Variants in RSPH14 observed in about 807,000 individuals in gnomAD.
RSPH14 encodes the protein radial spoke head 14 homolog, also known as rhabdoid tumor deletion region gene 1.
A neutral mutation model predicts 26.7 loss-of-function variants in RSPH14; 20 were observed. The ratio of observed to expected loss-of-function variants is 0.75; its 90% CI spans 0.53 to 1.09. The LOEUF is 1.09. Ranked by LOEUF, RSPH14 falls within the 50% of genes least tolerant of loss-of-function variation. The pLI is 0.00. For missense variants in RSPH14, 449 were observed against 457.2 expected (o/e 0.98, Z 0.16); for synonymous variants, 177 against 189.3 (o/e 0.93, Z 0.53).
chr22:23,079,754 A>G (rs1377048213), intron 4 of RSPH14, among the ~76,000 whole-genome samples: 1 of 152,088 alleles, frequency 6.6e-6, no homozygotes, highest in East Asian at 1.9e-4. Flanking sequence ...AGAATTCTGG[A>G]CAGTCAGGGC....
chr22:23,132,840 G>C (rs2070385090), intron 4 of RSPH14: 1 of 151,824 alleles, frequency 6.6e-6, no homozygotes, highest in Non-Finnish European at 1.5e-5. Flanking sequence ...TCTGATCTGG[G>C]CTGGTTCACC....
chr22:23,102,996 G>C (rs1046471385), intron 4 of RSPH14, among the ~76,000 whole-genome samples: 2 of 152,188 alleles, frequency 1.3e-5, no homozygotes, highest in Non-Finnish European at 2.9e-5. Context: ...TAAGCCTTGA[G>C]GGAGGAGGGA....
At chr22:23,171,215 T>C in the RSPH14 span, among the ~76,000 whole-genome samples, 2 of 152,086 alleles carry the variant, frequency 1.3e-5, no homozygotes, top group Non-Finnish European at 2.9e-5. Context: ...ATCCACCCAC[T>C]GTGGCCTCCC....
At chr22:23,062,344 G>A (rs374710010) in intron 5 of RSPH14, among the ~76,000 whole-genome samples, 3 of 152,310 alleles carry the variant, frequency 2.0e-5, no homozygotes, top group South Asian at 4.1e-4. Flanking sequence ...AGCAGCTGCC[G>A]GGCACTGGGC....
intron 4 of RSPH14, among the ~76,000 whole-genome samples, chr22:23,106,444 C>T (rs566673605): frequency 6.6e-6 from 1 of 151,770 alleles, no homozygotes; most frequent in African/African-American, 2.4e-5. Flanking sequence ...GTCTCCATCT[C>T]ACACTGGGCC....
At chr22:23,114,248 G>C (rs1429161460) in intron 4 of RSPH14, among the ~76,000 whole-genome samples, 3 of 152,196 alleles carry the variant, frequency 2.0e-5, no homozygotes, top group Admixed American at 6.5e-5. Flanking sequence ...TGCTCTCGGC[G>C]TGAAAAAGCT....
chr22:23,155,466 C>G, the RSPH14 span, among the ~76,000 whole-genome samples: 5 of 152,170 alleles, frequency 3.3e-5, no homozygotes, highest in Admixed American at 6.5e-5. Context: ...ACCTATTGCT[C>G]CAGTGTTAGG....
intron 4 of RSPH14, 75 bp downstream of exon 4, chr22:23,133,951 A>T: frequency 1.1e-6 from 1 of 950,940 alleles, no homozygotes; most frequent in Non-Finnish European, 1.7e-6. Context: ...ACACCCTGGT[A>T]CATATGTGAC....
At chr22:23,097,729 G>T (rs754863561) in intron 4 of RSPH14, among the ~76,000 whole-genome samples, 5 of 152,258 alleles carry the variant, frequency 3.3e-5, no homozygotes, top group African/African-American at 4.8e-5. Flanking sequence ...GATGAGTGAG[G>T]TCAGGCTCCC....
chr22:23,137,109 A>T (rs1206508258), intron 3 of RSPH14, among the ~76,000 whole-genome samples: 1 of 138,982 alleles, frequency 7.2e-6, no homozygotes, highest in African/African-American at 2.6e-5. Context: ...TCAGCCACCA[A>T]GGCAGCGAGA....
intron 4 of RSPH14, among the ~76,000 whole-genome samples, chr22:23,078,045 C>T (rs2068554420): frequency 6.6e-6 from 1 of 152,224 alleles, no homozygotes; most frequent in Admixed American, 6.5e-5. Context: ...GCCAGCCCCA[C>T]CCAGCCCTCT....
chr22:23,122,778 G>C lies in RSPH14; in HGVS notation c.421+11248C>G, dbSNP rs77264287. On this transcript the variant is annotated intron_variant, in intron 4 of 6. Transcript: ENST00000216036. ...CTGGAGGTGCCCAGCGGTTTAGGAG[G>C]CTGTGCTTGGCACATCTGTAGCCCC... 2,498 of 405,854 alleles carry C rather than the reference G, an allele frequency of 6.2e-3. 62 individuals are homozygous for C. Among genetic ancestry groups the C allele is most frequent in the African/African-American group, 0.045 (2,270 of 50,838 alleles). The allele number at this position is 405,854 out of a possible 1,614,324, so 25.1% of individuals were successfully genotyped here.
intron 4 of RSPH14, among the ~76,000 whole-genome samples, chr22:23,099,565 G>A (rs550951921): frequency 3.9e-5 from 6 of 152,232 alleles, no homozygotes; most frequent in Non-Finnish European, 7.3e-5. Flanking sequence ...ACAGATCGAG[G>A]CACTGAGGCT....
chr22:23,151,983 G>A, the RSPH14 span, among the ~76,000 whole-genome samples: 1 of 152,218 alleles, frequency 6.6e-6, no homozygotes, highest in Non-Finnish European at 1.5e-5. Flanking sequence ...GCAAGAGGCC[G>A]GAGCCCACAT....
intron 4 of RSPH14, among the ~76,000 whole-genome samples, chr22:23,104,379 C>T (rs1162653615): frequency 1.3e-5 from 2 of 152,118 alleles, no homozygotes; most frequent in South Asian, 2.1e-4. Flanking sequence ...TGCTCTGCCT[C>T]GTGATCAGGC....
At chr22:23,073,116 C>CAGA (rs1352724455) in intron 4 of RSPH14, among the ~76,000 whole-genome samples, 2 of 152,256 alleles carry the variant, frequency 1.3e-5, no homozygotes, top group Admixed American at 6.5e-5. Context: ...ACGCTAGCCT[C>CAGA]AGAATACTTA....
Position 23,071,802 on chromosome 22 carries a change from A to G in RSPH14, c.422-7669T>C, listed in dbSNP as rs2068385326. The stretch of plus-strand genomic sequence containing the variant: ...ACATTTGAACTGGAGCTTGAAGGAC[A>G]TGGGCACAGCTAAGCTGGGCATTGT... On this transcript the variant is annotated intron_variant, in intron 4 of 6. Transcript: ENST00000216036. The surrounding 1 kb of genome is among the most constrained non-coding windows in gnomAD (Gnocchi z 4.1). Among the ~76,000 whole-genome samples, 2 of 152,216 alleles carry G rather than the reference A, an allele frequency of 1.3e-5. No homozygotes were observed. The highest frequency in any genetic ancestry group is 2.9e-5 in the Non-Finnish European group (2 of 68,040).
intron 3 of RSPH14, 151 bp from the exon 4 acceptor site, chr22:23,134,295 G>A: frequency 1.6e-6 from 1 of 613,172 alleles, no homozygotes; most frequent in East Asian, 2.9e-5. Flanking sequence ...AAGGCTACAG[G>A]TGCGTGATCC....
chr22:23,162,189 T>C, the RSPH14 span: 1 of 179,952 alleles, frequency 5.6e-6, no homozygotes, highest in Non-Finnish European at 1.2e-5. Context: ...ATGGACAAAA[T>C]GTCTCTTAGA....
Sources: gnomAD v4.1 joint callset for allele counts (sites outside exome capture counted in the v4.1 genomes callset) on GRCh38, gnomAD v4.1.1 for gene constraint, Gnocchi (gnomAD v3.1) non-coding constraint, MANE v1.5 for transcripts, NCBI Gene and HGNC (gene_info 2026-07-23, HGNC 2026-07-21) for gene names.